The following CNTNAP2 variants were observed in gnomAD, a reference collection of about 807,000 sequenced individuals.
The protein encoded by CNTNAP2 is contactin-associated protein-like 2.
CNTNAP2 carries 98 observed loss-of-function variants against 155.2 expected under a neutral mutation model. That is an observed-to-expected ratio of 0.63 (90% CI 0.54 to 0.75). CNTNAP2 has a LOEUF of 0.75. Ranked by LOEUF, CNTNAP2 falls within the 30% of genes least tolerant of loss-of-function variation. CNTNAP2 has a pLI of 0.00. For synonymous variants in CNTNAP2, 651 were observed against 631.2 expected (o/e 1.03, Z -0.47); for missense variants, 1,727 against 1,688.1 (o/e 1.02, Z -0.40).
At chr7:147,425,211 C>T (rs537947892) in intron 10 of CNTNAP2, among the ~76,000 whole-genome samples, 12 of 54,636 alleles carry the variant, frequency 2.2e-4, no homozygotes, top group African/African-American at 1.3e-3. Context: ...TGTTTCTAAA[C>T]GACAAAAAAA....
chr7:147,092,109 G>A (rs529375565), intron 4 of CNTNAP2, among the ~76,000 whole-genome samples: 1 of 152,246 alleles, frequency 6.6e-6, no homozygotes, highest in South Asian at 2.1e-4. Flanking sequence ...TATCTGTCAT[G>A]CCTTGGGAAA....
At chr7:147,790,748 C>T (rs983194225) in intron 13 of CNTNAP2, among the ~76,000 whole-genome samples, 11 of 152,208 alleles carry the variant, frequency 7.2e-5, no homozygotes, top group African/African-American at 2.2e-4. Flanking sequence ...TAAAGAAATG[C>T]TCGTGAGAGT....
intron 11 of CNTNAP2, among the ~76,000 whole-genome samples, chr7:147,530,828 C>G (rs1334153350): frequency 6.6e-6 from 1 of 152,150 alleles, no homozygotes; most frequent in Admixed American, 6.5e-5. Context: ...GTCCACAGTC[C>G]AAAGTCTCAT....
intron 13 of CNTNAP2, among the ~76,000 whole-genome samples, chr7:147,769,261 CA>C (rs1367574703): frequency 5.9e-5 from 9 of 152,060 alleles, no homozygotes; most frequent in African/African-American, 2.2e-4. Flanking sequence ...GTATACTTTC[CA>C]AAAGGTCATT....
intron 21 of CNTNAP2, among the ~76,000 whole-genome samples, chr7:148,297,950 A>G (rs1343280639): frequency 6.6e-6 from 1 of 152,150 alleles, no homozygotes; most frequent in Non-Finnish European, 1.5e-5. Context: ...CACGCTCAAG[A>G]GCTGCTTTTC....
intron 9 of CNTNAP2, among the ~76,000 whole-genome samples, chr7:147,318,385 G>A (rs1795277400): frequency 6.6e-6 from 1 of 152,136 alleles, no homozygotes; most frequent in South Asian, 2.1e-4. Context: ...AGTGATCCAA[G>A]ATCGTGCCAC....
rs897707309 is a variant in CNTNAP2 at position 146,697,239 on chromosome 7, A to G, written c.98-77032A>G. Among the ~76,000 whole-genome samples, 7 of 138,900 alleles carry G rather than the reference A, an allele frequency of 5.0e-5. No homozygotes were observed. The East Asian group carries it at 1.4e-3, about 28-fold the overall frequency. 91.1% of individuals were successfully genotyped at this position (138,900 alleles called of 152,430 possible). A position where few individuals can be genotyped will look rare whatever the true frequency, so the allele number is the denominator to read the frequency against. Reference sequence around the variant, plus strand: ...AGTTAATACCTTTTTAAATTTATTTATTTATTTATTTATTTTGAGACAGGG... The same window carrying G: ...AGTTAATACCTTTTTAAATTTATTTGTTTATTTATTTATTTTGAGACAGGG... On this transcript the variant is annotated intron_variant, in intron 1 of 23. Coordinates refer to ENST00000361727, the MANE Select transcript of CNTNAP2 (RefSeq NM_014141.6).
chr7:146,257,053 G>A (rs1799850278), intron 1 of CNTNAP2, among the ~76,000 whole-genome samples: 1 of 152,178 alleles, frequency 6.6e-6, no homozygotes, highest in Non-Finnish European at 1.5e-5. Flanking sequence ...GTTCATTCAA[G>A]TTACCACATC....
In CNTNAP2 at chr7:147,230,223, A is replaced by T. The variant is rs6968736; in HGVS notation, c.1349-69918A>T. Among the ~76,000 whole-genome samples, 4 of 151,740 alleles carry T rather than the reference A, an allele frequency of 2.6e-5. No individual in the cohort carries two copies. In the South Asian group the frequency reaches 6.2e-4, roughly 24 times the overall value. On this transcript the variant is annotated intron_variant, in intron 8 of 23. Coordinates refer to ENST00000361727, the MANE Select transcript of CNTNAP2 (RefSeq NM_014141.6). ...TCTTTCATCTGTTTTTCAAAGCCTC[A>T]GTTACATTTTATTTTTTATTTTTTG...
intron 1 of CNTNAP2, among the ~76,000 whole-genome samples, chr7:146,407,749 C>T (rs537748070): frequency 7.9e-5 from 12 of 152,134 alleles, no homozygotes; most frequent in Middle Eastern, 3.4e-3. Flanking sequence ...ATGAACTGCA[C>T]GGTTCACTGT....
intron 21 of CNTNAP2, among the ~76,000 whole-genome samples, chr7:148,291,298 A>AAT (rs34441877): frequency 0.63 from 82,701 of 130,920 alleles, 24,007 homozygotes; most frequent in South Asian, 0.79. Flanking sequence ...ATATATATAT[A>AAT]ATATATATAT....
chr7:148,221,112 C>T (rs1795741546), intron 19 of CNTNAP2, among the ~76,000 whole-genome samples: 1 of 152,272 alleles, frequency 6.6e-6, no homozygotes, highest in Non-Finnish European at 1.5e-5. Flanking sequence ...GCCTTCATCA[C>T]CTGCCACTGC....
intron 9 of CNTNAP2, among the ~76,000 whole-genome samples, chr7:147,324,824 GC>G (rs1795422295): frequency 6.6e-6 from 1 of 151,506 alleles, no homozygotes; most frequent in Admixed American, 6.6e-5. Context: ...AATTTTCATT[GC>G]CAGTGAAGAC....
intron 13 of CNTNAP2, among the ~76,000 whole-genome samples, chr7:147,724,474 G>T (rs759463803): frequency 6.6e-6 from 1 of 151,906 alleles, no homozygotes; most frequent in African/African-American, 2.4e-5. Context: ...TCCTAGTTTT[G>T]CCTATTTGGC....
intron 3 of CNTNAP2, among the ~76,000 whole-genome samples, chr7:146,917,205 C>T (rs1400964102): frequency 6.6e-6 from 1 of 151,826 alleles, no homozygotes; most frequent in Non-Finnish European, 1.5e-5. Flanking sequence ...TTTTGATTTT[C>T]TTAAATTTGA....
intron 12 of CNTNAP2, among the ~76,000 whole-genome samples, chr7:147,591,497 C>G (rs1193805125): frequency 1.3e-5 from 2 of 152,134 alleles, no homozygotes; most frequent in African/African-American, 4.8e-5. Context: ...GGGATTAAGA[C>G]TTCCACATAT....
chr7:147,137,579 C>A (rs911685530), intron 8 of CNTNAP2, among the ~76,000 whole-genome samples: 4 of 151,596 alleles, frequency 2.6e-5, no homozygotes, highest in African/African-American at 9.7e-5. Context: ...AATAGCATAT[C>A]AATTTAAAAA....
intron 1 of CNTNAP2, among the ~76,000 whole-genome samples, chr7:146,193,256 A>T (rs1562984893): frequency 6.6e-6 from 1 of 152,044 alleles, no homozygotes; most frequent in East Asian, 1.9e-4. Flanking sequence ...TCACAGTTCC[A>T]CTAGGCAGTG....
At chr7:147,029,320 A>G (rs920074305) in intron 3 of CNTNAP2, among the ~76,000 whole-genome samples, 2 of 151,474 alleles carry the variant, frequency 1.3e-5, no homozygotes, top group African/African-American at 4.8e-5. Context: ...GGAGATATTC[A>G]AGAAGAATTT....
Sources: allele counts gnomAD v4.1 joint callset (sites outside exome capture counted in the v4.1 genomes callset), GRCh38; gene constraint gnomAD v4.1.1; transcripts MANE v1.5; gene names NCBI Gene and HGNC (gene_info 2026-07-23, HGNC 2026-07-21).